TEX11: variants seen among roughly 807,000 people sequenced by gnomAD.
TEX11 encodes testis-expressed protein 11.
A neutral mutation model predicts 84.4 loss-of-function variants in TEX11; 7 were observed. That is an observed-to-expected ratio of 0.08 (90% CI 0.05 to 0.16). TEX11 has a LOEUF of 0.16. Ranked by LOEUF, TEX11 falls within the 10% of genes least tolerant of loss-of-function variation. The pLI is 1.00. For synonymous variants in TEX11, 264 were observed against 222.8 expected, an observed-to-expected ratio of 1.18 and a Z score of -1.64; for missense variants, 551 against 660.5, an observed-to-expected ratio of 0.83 and a Z score of 1.82.
chrX:70,676,579 T>C (rs1320547489), intron 15 of TEX11, among the ~76,000 whole-genome samples: 1 of 111,956 alleles, frequency 8.9e-6, no homozygotes, highest in East Asian at 2.8e-4. Flanking sequence ...TGGTGTCGTT[T>C]TGTGTTTCTT....
intron 15 of TEX11, among the ~76,000 whole-genome samples, chrX:70,671,880 G>GATATATATATAT (rs67645855): frequency 2.6e-4 from 17 of 66,302 alleles, no homozygotes; most frequent in Middle Eastern, 0.011. Flanking sequence ...CAATTGTTTT[G>GATATATATATAT]ATATATATAT....
intron 2 of TEX11, among the ~76,000 whole-genome samples, chrX:70,882,285 A>G (rs750705365): frequency 3.6e-5 from 4 of 111,088 alleles, no homozygotes; most frequent in Admixed American, 1.9e-4. Context: ...ATTTTTGAGA[A>G]GAAAACAAAA....
chrX:70,684,262 G>A (rs1265814405), intron 13 of TEX11, among the ~76,000 whole-genome samples: 1 of 112,295 alleles, frequency 8.9e-6, no homozygotes, highest in Non-Finnish European at 1.9e-5. Flanking sequence ...AGGAAATCAA[G>A]AAAACAATCC....
intron 17 of TEX11, among the ~76,000 whole-genome samples, chrX:70,645,811 G>A (rs764104674): frequency 6.3e-5 from 7 of 110,855 alleles, no homozygotes; most frequent in South Asian, 7.5e-4. Flanking sequence ...CCAGGTTCAC[G>A]GATTGGAAAA....
intron 9 of TEX11, among the ~76,000 whole-genome samples, chrX:70,791,334 C>T (rs1350634801): frequency 3.6e-5 from 4 of 111,909 alleles, no homozygotes; most frequent in Non-Finnish European, 7.5e-5. Context: ...TATATATACA[C>T]CCAACATTAG....
At chrX:70,598,780 A>C (rs1442233028) in intron 24 of TEX11, among the ~76,000 whole-genome samples, 5 of 112,271 alleles carry the variant, frequency 4.5e-5, no homozygotes, top group African/African-American at 1.3e-4. Context: ...AAAAGACTAC[A>C]CATCAAAAAA....
At chrX:70,720,268 G>T (rs1018157072) in intron 13 of TEX11, among the ~76,000 whole-genome samples, 4 of 110,821 alleles carry the variant, frequency 3.6e-5, no homozygotes, top group Non-Finnish European at 7.6e-5. Context: ...CTATCGCAAG[G>T]ACAAAAAACC....
At chrX:70,884,963 G>A (rs1051499543) in intron 2 of TEX11, among the ~76,000 whole-genome samples, 1 of 111,343 alleles carries the variant, frequency 9.0e-6, no homozygotes, top group African/African-American at 3.3e-5. Flanking sequence ...AAAAGAACTT[G>A]CATATATCTC....
intron 20 of TEX11, among the ~76,000 whole-genome samples, chrX:70,621,673 AG>A (rs1360882030): frequency 9.8e-6 from 1 of 102,014 alleles, no homozygotes; most frequent in African/African-American, 3.6e-5. Context: ...AACTCAACTA[AG>A]GAAGTTTACA....
At chrX:70,735,239 A>G (rs1265507051) in intron 11 of TEX11, among the ~76,000 whole-genome samples, 1 of 110,824 alleles carries the variant, frequency 9.0e-6, no homozygotes, top group Non-Finnish European at 1.9e-5. Flanking sequence ...TTTAGTAGAG[A>G]TGGGGTTTCA....
intron 28 of TEX11, among the ~76,000 whole-genome samples, chrX:70,532,506 C>T (rs1424078313): frequency 3.1e-4 from 35 of 112,023 alleles, no homozygotes; most frequent in Admixed American, 3.0e-3. Context: ...GAGGCCAAGG[C>T]GGGCAGATCA....
At chrX:70,732,770 A>G (rs1348594401) in intron 11 of TEX11, among the ~76,000 whole-genome samples, 2 of 111,542 alleles carry the variant, frequency 1.8e-5, no homozygotes, top group East Asian at 2.8e-4. Context: ...CAAGCTACCA[A>G]TGACTTTCTT....
At chrX:70,733,006 C>T (rs777361419) in intron 11 of TEX11, among the ~76,000 whole-genome samples, 39 of 111,893 alleles carry the variant, frequency 3.5e-4, no homozygotes, top group Admixed American at 1.9e-3. Context: ...CACACATCTA[C>T]AACTATCTGA....
chrX:70,571,028 TGTTG>T (rs2088589345), intron 25 of TEX11, among the ~76,000 whole-genome samples: 1 of 111,215 alleles, frequency 9.0e-6, no homozygotes, highest in African/African-American at 3.3e-5. Context: ...TTGTTGTTGT[TGTTG>T]TTTTGAGACA....
intron 28 of TEX11, among the ~76,000 whole-genome samples, chrX:70,550,894 TAC>T (rs1263519062): frequency 8.9e-6 from 1 of 111,754 alleles, no homozygotes; most frequent in Non-Finnish European, 1.9e-5. Context: ...GCAATCCCAC[TAC>T]TGGATATATA....
At chrX:70,810,361 C>T (rs2091245248) in intron 8 of TEX11, among the ~76,000 whole-genome samples, 1 of 112,279 alleles carries the variant, frequency 8.9e-6, no homozygotes, top group Non-Finnish European at 1.9e-5. Flanking sequence ...TATTTCAACA[C>T]TGTTCACAAT....
intron 25 of TEX11, among the ~76,000 whole-genome samples, chrX:70,590,668 G>T (rs867629805): frequency 4.5e-5 from 5 of 111,900 alleles, no homozygotes; most frequent in African/African-American, 1.6e-4. Context: ...TCAGGAAATA[G>T]AATCAAGATA....
Position 70,740,768 on chromosome X carries a change from T to G in TEX11, c.776A>C (p.Asn259Thr). Reference sequence around the variant, plus strand: ...TTTGGTGTCATCCCAATCCAAATAATTCGTGGCTAATAGCCGTAGAACTTT... The same window carrying G: ...TTTGGTGTCATCCCAATCCAAATAAGTCGTGGCTAATAGCCGTAGAACTTT... ...LAKVLRLLAT[N>T]YLDWDDTKYY... Residue 259 changes from asparagine to threonine, a missense_variant, in exon 11 of 30, where the codon AAT becomes ACT. Asn to Thr is a moderately conservative substitution (Grantham distance 65). Coordinates refer to ENST00000374333, the MANE Select transcript of TEX11 (RefSeq NM_031276.3). 8.4e-7 allele frequency: 1 copy of G among 1,196,547 alleles called. No homozygotes were observed. Among genetic ancestry groups the G allele is most frequent in the Non-Finnish European group, 1.1e-6 (1 of 886,716 alleles).
chrX:70,704,761 C>T (rs905121010), intron 13 of TEX11, among the ~76,000 whole-genome samples: 8 of 110,791 alleles, frequency 7.2e-5, no homozygotes, highest in African/African-American at 2.6e-4. Flanking sequence ...CTGAGAGAAA[C>T]ATTCCTTACT....
Sources: gnomAD v4.1 joint callset for allele counts (sites outside exome capture counted in the v4.1 genomes callset) on GRCh38, gnomAD v4.1.1 for gene constraint, MANE v1.5 for transcripts, NCBI Gene and HGNC (gene_info 2026-07-23, HGNC 2026-07-21) for gene names.